Variants in COL21A1 observed in about 807,000 individuals in gnomAD.
The protein encoded by COL21A1 is collagen alpha-1(XXI) chain.
In COL21A1, 149 loss-of-function variants were observed where a neutral mutation model predicts 137.9. That is an observed-to-expected ratio of 1.08 (90% confidence interval 0.95 to 1.24). The LOEUF (loss-of-function observed/expected upper bound fraction) is 1.24. Ranked by LOEUF, COL21A1 falls within the 50% of genes most tolerant of loss-of-function variation. The probability of loss-of-function intolerance (pLI) is 0.00; values close to 1 mark genes in which losing one functional copy is unlikely to be tolerated. For synonymous variants in COL21A1, 456 were observed against 391.5 expected, an observed-to-expected ratio of 1.16 and a Z score of -1.95; for missense variants, 1,167 against 1,158.4, an observed-to-expected ratio of 1.01 and a Z score of -0.11.
chr6:56,296,111 T>C (rs1011021092), intron 1 of COL21A1, among the ~76,000 whole-genome samples: 2 of 151,912 alleles, frequency 1.3e-5, no homozygotes, highest in African/African-American at 2.4e-5. Flanking sequence ...TTCCCTCCAT[T>C]CCTAGTTTAT....
At chr6:56,097,070 CAGA>C (rs1769390741) in intron 17 of COL21A1, among the ~76,000 whole-genome samples, 1 of 151,832 alleles carries the variant, frequency 6.6e-6, no homozygotes, top group African/African-American at 2.4e-5. Flanking sequence ...AAATACAGAC[CAGA>C]AGAATTGTTT....
intron 1 of COL21A1, among the ~76,000 whole-genome samples, chr6:56,341,203 A>T (rs1582793573): frequency 6.6e-6 from 1 of 152,098 alleles, no homozygotes; most frequent in Non-Finnish European, 1.5e-5. Context: ...AAAGAAAAGA[A>T]TATCGGTATA....
chr6:56,125,222 T>C (rs946290175), intron 14 of COL21A1, among the ~76,000 whole-genome samples: 1 of 150,750 alleles, frequency 6.6e-6, no homozygotes, highest in Non-Finnish European at 1.5e-5. Context: ...GGTTTTACCA[T>C]GTTGGCCAGG....
intron 1 of COL21A1, among the ~76,000 whole-genome samples, chr6:56,386,262 T>C (rs1449415934): frequency 6.6e-6 from 1 of 152,246 alleles, no homozygotes; most frequent in Admixed American, 6.5e-5. Flanking sequence ...TTCCTTTTTA[T>C]GGCTGAATAA....
chr6:56,289,682 C>G (rs549810111), intron 1 of COL21A1, among the ~76,000 whole-genome samples: 2 of 152,254 alleles, frequency 1.3e-5, no homozygotes, highest in African/African-American at 4.8e-5. Context: ...GCTAGGGAAT[C>G]CGGGAATACC....
intron 3 of COL21A1, among the ~76,000 whole-genome samples, chr6:56,177,382 C>CA (rs1189813491): frequency 2.2e-4 from 33 of 151,448 alleles, no homozygotes; most frequent in East Asian, 9.7e-4. Context: ...AAGTATGTGT[C>CA]AAAGAAAAAG....
chr6:56,229,530 C>T (rs1056242247), intron 1 of COL21A1, among the ~76,000 whole-genome samples: 4 of 152,036 alleles, frequency 2.6e-5, no homozygotes, highest in Non-Finnish European at 4.4e-5. Context: ...TTAGATTATG[C>T]TGAGTAACAA....
At chr6:56,166,422 C>A (rs923011381) in intron 7 of COL21A1, among the ~76,000 whole-genome samples, 2 of 152,010 alleles carry the variant, frequency 1.3e-5, no homozygotes, top group Admixed American at 6.6e-5. Flanking sequence ...AGGGCTTAGG[C>A]CGGCGAATCA....
chr6:56,139,563 C>T (rs1463929199), intron 12 of COL21A1, among the ~76,000 whole-genome samples: 1 of 152,156 alleles, frequency 6.6e-6, no homozygotes, highest in African/African-American at 2.4e-5. Flanking sequence ...GGTAGACTCT[C>T]TCCCTGTTTT....
intron 1 of COL21A1, among the ~76,000 whole-genome samples, chr6:56,345,366 A>ATT (rs1765573284): frequency 1.0e-5 from 1 of 95,726 alleles, no homozygotes; most frequent in Non-Finnish European, 2.5e-5. Flanking sequence ...AGGGTCTATC[A>ATT]TATACCAAGT....
chr6:56,253,555 T>C (rs1039922871), intron 1 of COL21A1, among the ~76,000 whole-genome samples: 3 of 152,198 alleles, frequency 2.0e-5, no homozygotes, highest in Non-Finnish European at 4.4e-5. Context: ...ACTGACATCA[T>C]TAGAGTAGCT....
intron 1 of COL21A1, among the ~76,000 whole-genome samples, chr6:56,301,219 C>T (rs1764271861): frequency 6.6e-6 from 1 of 152,112 alleles, no homozygotes; most frequent in South Asian, 2.1e-4. Context: ...TGAGATTACC[C>T]TGGATTATCC....
At chr6:56,340,322 G>A (rs1457959932) in intron 1 of COL21A1, among the ~76,000 whole-genome samples, 1 of 152,104 alleles carries the variant, frequency 6.6e-6, no homozygotes, top group Non-Finnish European at 1.5e-5. Flanking sequence ...ATCAATCCAT[G>A]AAAAGACATG....
intron 1 of COL21A1, among the ~76,000 whole-genome samples, chr6:56,235,021 A>T (rs1031460057): frequency 6.6e-6 from 1 of 151,748 alleles, no homozygotes. Flanking sequence ...TTCCATTCCT[A>T]CTAGGCAAGT....
chr6:56,375,405 A>C (rs749515603), intron 1 of COL21A1, among the ~76,000 whole-genome samples: 6 of 152,168 alleles, frequency 3.9e-5, no homozygotes, highest in Non-Finnish European at 8.8e-5. Context: ...TGGAAGAAGG[A>C]TAGGAGGAAA....
intron 1 of COL21A1, among the ~76,000 whole-genome samples, chr6:56,218,755 A>G (rs1780641414): frequency 1.3e-5 from 2 of 152,122 alleles, no homozygotes; most frequent in Admixed American, 1.3e-4. Flanking sequence ...TGCAACACCA[A>G]CAACGCATTT....
intron 1 of COL21A1, among the ~76,000 whole-genome samples, chr6:56,339,154 G>A (rs1003100996): frequency 6.6e-6 from 1 of 152,142 alleles, no homozygotes; most frequent in Admixed American, 6.5e-5. Flanking sequence ...AGTGGCAGAG[G>A]TGTGAATGGA....
chr6:56,095,306 T>A (rs1205963784), intron 17 of COL21A1, among the ~76,000 whole-genome samples: 2 of 152,148 alleles, frequency 1.3e-5, no homozygotes, highest in Non-Finnish European at 2.9e-5. Context: ...ATCCATGCAG[T>A]AAGACTTTTG....
chr6:56,317,913 C>T (rs75695375), intron 1 of COL21A1, among the ~76,000 whole-genome samples: 1 of 151,934 alleles, frequency 6.6e-6, no homozygotes, highest in Non-Finnish European at 1.5e-5. Flanking sequence ...AATTTTTAAG[C>T]GTGTTTTTAA....
Sources: allele counts gnomAD v4.1 joint callset (sites outside exome capture counted in the v4.1 genomes callset), GRCh38; gene constraint gnomAD v4.1.1; transcripts MANE v1.5; gene names NCBI Gene and HGNC (gene_info 2026-07-23, HGNC 2026-07-21).